The following HOMER1 variants were observed in gnomAD, a reference collection of about 807,000 sequenced individuals.
HOMER1 encodes the protein homer scaffold protein 1.
In HOMER1, 3 loss-of-function variants were observed where a neutral mutation model predicts 48.9. The ratio of observed to expected loss-of-function variants is 0.06; its 90% CI spans 0.03 to 0.16. The LOEUF (loss-of-function observed/expected upper bound fraction) is 0.16. Ranked by LOEUF, HOMER1 falls within the 10% of genes least tolerant of loss-of-function variation. The pLI is 1.00. For synonymous variants in HOMER1, 134 were observed against 146.4 expected, an observed-to-expected ratio of 0.92 and a Z score of 0.61; for missense variants, 247 against 411.4, an observed-to-expected ratio of 0.60 and a Z score of 3.46.
At chr5:79,450,688 G>C (rs886773984) in intron 3 of HOMER1, among the ~76,000 whole-genome samples, 1 of 152,094 alleles carries the variant, frequency 6.6e-6, no homozygotes, top group African/African-American at 2.4e-5. Flanking sequence ...CTCCAATTGA[G>C]GGTACTAATC....
At chr5:79,440,371 T>A (rs1750706794) in intron 4 of HOMER1, among the ~76,000 whole-genome samples, 1 of 152,220 alleles carries the variant, frequency 6.6e-6, no homozygotes, top group African/African-American at 2.4e-5. Flanking sequence ...ATTTAAGTAT[T>A]TTAACTAATG....
chr5:79,391,898 G>A (rs912083382), intron 8 of HOMER1, among the ~76,000 whole-genome samples: 3 of 152,110 alleles, frequency 2.0e-5, no homozygotes, highest in African/African-American at 7.2e-5. Context: ...GACAATGCAT[G>A]ACAATGTTTT....
At chr5:79,447,878 ATAAGT>A (rs1221845975) in intron 3 of HOMER1, among the ~76,000 whole-genome samples, 1 of 152,230 alleles carries the variant, frequency 6.6e-6, no homozygotes, top group East Asian at 1.9e-4. Flanking sequence ...ATCAGTGAGA[ATAAGT>A]TAAGACTACA....
At chr5:79,431,300 G>T (rs535380175) in intron 5 of HOMER1, among the ~76,000 whole-genome samples, 15 of 152,298 alleles carry the variant, frequency 9.8e-5, no homozygotes, top group African/African-American at 3.1e-4. Flanking sequence ...TCCAGCCTGG[G>T]TGACAGAGCA....
chr5:79,394,949 A>G (rs940008960), intron 8 of HOMER1, among the ~76,000 whole-genome samples: 6 of 152,228 alleles, frequency 3.9e-5, no homozygotes, highest in African/African-American at 7.2e-5. Flanking sequence ...AAGTGAGACA[A>G]TGTAAATGTG....
intron 5 of HOMER1, among the ~76,000 whole-genome samples, chr5:79,434,724 A>G (rs995239715): frequency 6.8e-6 from 1 of 147,462 alleles, no homozygotes; most frequent in Non-Finnish European, 1.5e-5. Flanking sequence ...CTTATTCAAT[A>G]AGAATGTTTT....
At chr5:79,420,281 C>T (rs1750062415) in intron 5 of HOMER1, among the ~76,000 whole-genome samples, 1 of 152,174 alleles carries the variant, frequency 6.6e-6, no homozygotes, top group African/African-American at 2.4e-5. Context: ...CCATCCCAGT[C>T]TTTATAGATT....
chr5:79,475,428 CTTTTT>C (rs370912747), intron 1 of HOMER1, among the ~76,000 whole-genome samples: 4 of 127,094 alleles, frequency 3.1e-5, no homozygotes, highest in African/African-American at 5.9e-5. Context: ...AATTCTTAGA[CTTTTT>C]TTTTTTTTTT....
chr5:79,511,692 C>T (rs898212318), intron 1 of HOMER1, among the ~76,000 whole-genome samples: 1 of 152,204 alleles, frequency 6.6e-6, no homozygotes, highest in African/African-American at 2.4e-5. Flanking sequence ...TCTCCTACAA[C>T]ATGCTCTAAA....
chr5:79,447,284 A>G (rs1313699687), intron 3 of HOMER1, 139 bp from the exon 4 acceptor site: 3 of 602,854 alleles, frequency 5.0e-6, no homozygotes, highest in East Asian at 2.8e-5. Flanking sequence ...ATAGCTTCTA[A>G]TATGAAAATG....
chr5:79,508,230 C>T (rs1752831376), intron 1 of HOMER1, among the ~76,000 whole-genome samples: 1 of 152,214 alleles, frequency 6.6e-6, no homozygotes, highest in Non-Finnish European at 1.5e-5. Context: ...GTTGCTAACA[C>T]AGCGTCATTA....
chr5:79,415,616 T>C (rs963784728), intron 5 of HOMER1, among the ~76,000 whole-genome samples: 2 of 152,224 alleles, frequency 1.3e-5, no homozygotes, highest in African/African-American at 4.8e-5. Flanking sequence ...TTTTTCTTGG[T>C]GTATCGTAGA....
chr5:79,388,751 T>G (rs1035998542), intron 8 of HOMER1, among the ~76,000 whole-genome samples: 2 of 152,056 alleles, frequency 1.3e-5, no homozygotes, highest in Non-Finnish European at 2.9e-5. Flanking sequence ...TGAATAAAAC[T>G]ATTTTTAATT....
chr5:79,491,772 T>C (rs1239107916), intron 1 of HOMER1, among the ~76,000 whole-genome samples: 1 of 152,218 alleles, frequency 6.6e-6, no homozygotes, highest in Non-Finnish European at 1.5e-5. Context: ...CTATGAGTTA[T>C]TGAGAAGCTA....
At chr5:79,455,532 C>A (rs141481468) in intron 2 of HOMER1, among the ~76,000 whole-genome samples, 9,806 of 152,244 alleles carry the variant, frequency 0.064, 799 homozygotes, top group East Asian at 0.19. Flanking sequence ...GAGGCTTCCC[C>A]AGCCATGTGG....
chr5:79,495,559 T>C (rs1752397220), intron 1 of HOMER1, among the ~76,000 whole-genome samples: 1 of 152,236 alleles, frequency 6.6e-6, no homozygotes, highest in East Asian at 1.9e-4. Flanking sequence ...TACCAGTGCC[T>C]GGCATGACTC....
At chr5:79,450,761 T>G (rs1325503306) in intron 3 of HOMER1, among the ~76,000 whole-genome samples, 4 of 152,218 alleles carry the variant, frequency 2.6e-5, no homozygotes, top group African/African-American at 7.2e-5. Context: ...CACAGACAAT[T>G]AACCACATAA....
rs143950894 is a variant in HOMER1, at chr5:79,378,708, C to A, written c.877-2511G>T. Among the ~76,000 whole-genome samples, 274 of 152,168 alleles carry A rather than the reference C, an allele frequency of 1.8e-3. 1 individual carries two copies. Among genetic ancestry groups the A allele is most frequent in the African/African-American group, 6.2e-3 (259 of 41,516 alleles). ...ACCAAATGTCATTCACTAGCAGACA[C>A]CCACTTCACCAGGCACCACCCAGTT... is the stretch of plus-strand genomic sequence containing the variant. On this transcript the variant is annotated intron_variant, in intron 8 of 8. Coordinates refer to ENST00000334082, the MANE Select transcript of HOMER1 (RefSeq NM_004272.5).
intron 8 of HOMER1, among the ~76,000 whole-genome samples, chr5:79,395,667 T>A (rs922873893): frequency 1.3e-5 from 2 of 151,914 alleles, no homozygotes; most frequent in African/African-American, 4.8e-5. Context: ...TATGAAGGGG[T>A]TTAAAGCCCA....
Sources: gnomAD v4.1 joint callset for allele counts (sites outside exome capture counted in the v4.1 genomes callset) on GRCh38, gnomAD v4.1.1 for gene constraint, MANE v1.5 for transcripts, NCBI Gene and HGNC (gene_info 2026-07-23, HGNC 2026-07-21) for gene names.